TDRD1: variants seen among roughly 807,000 people sequenced by gnomAD.
The protein encoded by TDRD1 is tudor domain containing 1.
TDRD1 carries 37 observed loss-of-function variants against 140.6 expected under a neutral mutation model. That is an observed-to-expected ratio of 0.26 (90% CI 0.20 to 0.35). The LOEUF (loss-of-function observed/expected upper bound fraction) is 0.35. TDRD1 is among the 10% of genes least tolerant of loss of function. TDRD1 has a pLI of 1.00. For synonymous variants in TDRD1, 506 were observed against 475.7 expected (o/e 1.06, Z -0.83); for missense variants, 1,243 against 1,393.0 (o/e 0.89, Z 1.71).
At chr10:114,230,032 C>T (rs2036669379) in intron 25 of TDRD1, among the ~76,000 whole-genome samples, 1 of 151,954 alleles carries the variant, frequency 6.6e-6, no homozygotes, top group Non-Finnish European at 1.5e-5. Flanking sequence ...AGGGTTTCAC[C>T]GTGTTAGCCA....
rs371579895 is a variant in TDRD1, at chr10:114,203,471, C to T, written c.885C>T (p.Leu295=). Residue 295 remains leucine (L), a synonymous_variant, in exon 8 of 26, where the codon CTC becomes CTT. Transcript: ENST00000251864. ...AAGTTTTAGAATACATGAACCAACTCTCTGCCAGCTTAAAAGAAACATATG... is the reference window on the plus strand; with the variant it reads ...AAGTTTTAGAATACATGAACCAACTTTCTGCCAGCTTAAAAGAAACATATG... 1.3e-5 allele frequency: 21 copies of T among 1,613,998 alleles called. No individual in the cohort carries two copies. In the East Asian group the frequency reaches 2.2e-4, roughly 17 times the overall value.
At chr10:114,202,168 A>G in intron 5 of TDRD1, 70 bp from the exon 6 acceptor site, 1 of 1,206,946 alleles carries the variant, frequency 8.3e-7, no homozygotes, top group Non-Finnish European at 1.2e-6. Flanking sequence ...GAATACCATA[A>G]TTGTGGTTGA....
At chr10:114,175,768 A>C (rs1251916713), upstream of TDRD1, among the ~76,000 whole-genome samples, 1 of 152,196 alleles carries the variant, frequency 6.6e-6, no homozygotes, top group Non-Finnish European at 1.5e-5. Context: ...AACAGGACAA[A>C]TTTAGCATTC....
chr10:114,222,766 A>G, intron 21 of TDRD1, 63 bp downstream of exon 21: 4 of 948,330 alleles, frequency 4.2e-6, no homozygotes, highest in South Asian at 1.5e-5. Context: ...TCTACATGAT[A>G]CTATGTAGAT....
chr10:114,196,833 C>CTTTTTTGTTTTTTTTT (rs2034386835), intron 3 of TDRD1, among the ~76,000 whole-genome samples: 1 of 48,326 alleles, frequency 2.1e-5, no homozygotes, highest in Non-Finnish European at 3.6e-5. Flanking sequence ...TTCTAGCAGT[C>CTTTTTTGTTTTTTTTT]TTTTTTTTTT....
chr10:114,213,425 A>G (rs2133083580), exon 15 of TDRD1: 2 of 1,614,056 alleles, frequency 1.2e-6, no homozygotes, highest in East Asian at 2.2e-5. Context: ...AAATAATCAC[A>G]GTGAAAGTGG....
At chr10:114,183,225 C>T (rs1299191649) in intron 1 of TDRD1, among the ~76,000 whole-genome samples, 1 of 152,122 alleles carries the variant, frequency 6.6e-6, no homozygotes, top group African/African-American at 2.4e-5. Flanking sequence ...ATGAAAGACT[C>T]TCGGGTGTAA....
upstream of TDRD1, among the ~76,000 whole-genome samples, chr10:114,177,780 G>C (rs191442406): frequency 1.3e-4 from 19 of 151,854 alleles, no homozygotes; most frequent in Admixed American, 4.6e-4. Context: ...TAGGGGAAAC[G>C]ATGTGGCTTC....
intron 3 of TDRD1, among the ~76,000 whole-genome samples, chr10:114,195,541 T>G (rs974662777): frequency 6.6e-6 from 1 of 152,220 alleles, no homozygotes; most frequent in African/African-American, 2.4e-5. Context: ...TTGACTCTTT[T>G]GTCATCATAA....
At chr10:114,231,599 A>G (rs2036762051) in exon 26 of TDRD1, 1 of 1,187,908 alleles carries the variant, frequency 8.4e-7, no homozygotes, top group African/African-American at 1.6e-5. Context: ...TTCTTTGTCC[A>G]CTTTCTCTGT....
intron 5 of TDRD1, 137 bp from the exon 6 acceptor site, chr10:114,202,101 A>G (rs1310981293): frequency 6.1e-6 from 4 of 652,660 alleles, no homozygotes; most frequent in Non-Finnish European, 1.0e-5. Flanking sequence ...GGAGTTTTAC[A>G]TTACCACTGT....
At chr10:114,188,034 T>C (rs768210266) in exon 2 of TDRD1, 11 of 1,614,184 alleles carry the variant, frequency 6.8e-6, no homozygotes, top group Non-Finnish European at 9.3e-6. Context: ...AACAATTTTT[T>C]GCTTTGTGAG....
chr10:114,175,129 AC>A (rs1233740692), upstream of TDRD1, among the ~76,000 whole-genome samples: 1 of 152,230 alleles, frequency 6.6e-6, no homozygotes, highest in East Asian at 1.9e-4. Flanking sequence ...AAATGAAGGT[AC>A]TACACTGAAG....
At chr10:114,213,587 T>C in exon 15 of TDRD1, 2 of 1,613,318 alleles carry the variant, frequency 1.2e-6, no homozygotes, top group South Asian at 1.1e-5. Flanking sequence ...AAGAAACCAG[T>C]GGTAAGTCAA....
At chr10:114,228,284 T>C in intron 25 of TDRD1, 1 of 1,409,428 alleles carries the variant, frequency 7.1e-7, no homozygotes, top group Non-Finnish European at 9.3e-7. Flanking sequence ...CTTCTGCTGT[T>C]TTTGTAGGTT....
exon 2 of TDRD1, chr10:114,187,974 C>T (rs1254309544): frequency 6.2e-7 from 1 of 1,614,022 alleles, no homozygotes; most frequent in Non-Finnish European, 8.5e-7. Flanking sequence ...GGAACACTTC[C>T]TAACCACCCT....
chr10:114,211,558 A>G (rs1344758422), intron 13 of TDRD1, among the ~76,000 whole-genome samples: 1 of 152,168 alleles, frequency 6.6e-6, no homozygotes, highest in Non-Finnish European at 1.5e-5. Flanking sequence ...TGCTTCATGT[A>G]TTGATTGAGA....
chr10:114,227,665 G>A (rs1190438709), intron 23 of TDRD1, among the ~76,000 whole-genome samples: 2 of 152,132 alleles, frequency 1.3e-5, no homozygotes, highest in Non-Finnish European at 2.9e-5. Flanking sequence ...ATGTATATTT[G>A]ACAGACCTGG....
chr10:114,187,797 T>G, intron 1 of TDRD1, 29 bp from the exon 2 acceptor site: 2 of 1,505,342 alleles, frequency 1.3e-6, no homozygotes, highest in Non-Finnish European at 1.8e-6. Flanking sequence ...AAATTAAAAG[T>G]TGTCTCTTAA....
Sources: gnomAD v4.1 joint callset for allele counts (sites outside exome capture counted in the v4.1 genomes callset) on GRCh38, gnomAD v4.1.1 for gene constraint, MANE v1.5 for transcripts, NCBI Gene and HGNC (gene_info 2026-07-23, HGNC 2026-07-21) for gene names.